The following PRKCA variants were observed in gnomAD, a reference collection of about 807,000 sequenced individuals.
The protein encoded by PRKCA is protein kinase C alpha type.
Under a neutral mutation model 87.0 loss-of-function variants are expected in PRKCA, and 27 were observed. That is an observed-to-expected ratio of 0.31 (90% CI 0.23 to 0.43). The LOEUF (loss-of-function observed/expected upper bound fraction) is 0.43. PRKCA is among the 20% of genes least tolerant of loss of function. The pLI, the probability that PRKCA is intolerant of heterozygous loss-of-function variation, is 1.00. For missense variants in PRKCA, 518 were observed against 852.3 expected (o/e 0.61, Z 4.88); for synonymous variants, 329 against 311.1 (o/e 1.06, Z -0.61).
At chr17:66,434,046 G>A (rs1263856188) in intron 2 of PRKCA, among the ~76,000 whole-genome samples, 1 of 152,058 alleles carries the variant, frequency 6.6e-6, no homozygotes, top group African/African-American at 2.4e-5. Context: ...GAGCCAGGAT[G>A]GACCCTGACT....
chr17:66,595,245 G>A (rs932404388), intron 3 of PRKCA, among the ~76,000 whole-genome samples: 1 of 151,948 alleles, frequency 6.6e-6, no homozygotes, highest in African/African-American at 2.4e-5. Flanking sequence ...TTAGCTCGCT[G>A]TATCCTCAAA....
chr17:66,698,810 C>G (rs1173894852), intron 8 of PRKCA, among the ~76,000 whole-genome samples: 2 of 110,596 alleles, frequency 1.8e-5, no homozygotes, highest in Non-Finnish European at 3.8e-5. Flanking sequence ...CCTGTGTCTA[C>G]TAAAAATACA....
At chr17:66,305,220 A>G (rs996756926) in intron 1 of PRKCA, among the ~76,000 whole-genome samples, 4 of 152,214 alleles carry the variant, frequency 2.6e-5, no homozygotes, top group Non-Finnish European at 5.9e-5. Flanking sequence ...GTTTATTTCA[A>G]TATTAAATCA....
intron 5 of PRKCA, among the ~76,000 whole-genome samples, chr17:66,646,327 GT>G (rs1459166076): frequency 6.6e-6 from 1 of 152,140 alleles, no homozygotes; most frequent in African/African-American, 2.4e-5. Context: ...GGCACACTCA[GT>G]CAAGTTATCC....
At chr17:66,519,085 G>A (rs1321732739) in intron 3 of PRKCA, among the ~76,000 whole-genome samples, 1 of 152,182 alleles carries the variant, frequency 6.6e-6, no homozygotes, top group African/African-American at 2.4e-5. Context: ...AAAAGTGGAG[G>A]CAATGGGCTC....
chr17:66,781,868 GATATATATAT>G (rs1201713784), intron 14 of PRKCA, among the ~76,000 whole-genome samples: 7 of 99,356 alleles, frequency 7.0e-5, no homozygotes, highest in African/African-American at 2.7e-4. Flanking sequence ...GAGAGAGAGA[GATATATATAT>G]ATATATATAG....
In PRKCA at chr17:66,726,323, G is replaced by C. The variant is rs148771273; in HGVS notation, c.919-6365G>C. ...GCTCAGGGGATACGGGTGGGGCCCTGTCTGCTGCAGGTTGGAAATTCCAGA... is the reference window on the plus strand; with the variant it reads ...GCTCAGGGGATACGGGTGGGGCCCTCTCTGCTGCAGGTTGGAAATTCCAGA... On this transcript the variant is annotated intron_variant, in intron 8 of 16. Coordinates refer to ENST00000413366, the MANE Select transcript of PRKCA (RefSeq NM_002737.3). 8.6e-3 allele frequency among the ~76,000 whole-genome samples: 1,311 copies of C among 152,340 alleles called. 22 individuals are homozygous for C. Among genetic ancestry groups the C allele is most frequent in the African/African-American group, 0.028 (1,150 of 41,568 alleles).
intron 3 of PRKCA, among the ~76,000 whole-genome samples, chr17:66,497,268 C>T (rs1250002380): frequency 6.6e-6 from 1 of 152,022 alleles, no homozygotes; most frequent in Non-Finnish European, 1.5e-5. Context: ...AAGGCTGAGG[C>T]GGGCGGATCA....
At chr17:66,669,086 A>G (rs1011456617) in intron 5 of PRKCA, among the ~76,000 whole-genome samples, 1 of 146,224 alleles carries the variant, frequency 6.8e-6, no homozygotes. Flanking sequence ...TGAGTGACAT[A>G]GTGAGACCCT....
intron 8 of PRKCA, among the ~76,000 whole-genome samples, chr17:66,716,187 C>T (rs551708931): frequency 1.1e-4 from 17 of 151,880 alleles, no homozygotes; most frequent in Middle Eastern, 3.4e-3. Context: ...TTACCCACTT[C>T]GAAGCCATGT....
At chr17:66,627,786 G>A (rs1418106872) in intron 3 of PRKCA, among the ~76,000 whole-genome samples, 1 of 152,062 alleles carries the variant, frequency 6.6e-6, no homozygotes, top group Admixed American at 6.5e-5. Context: ...CTTAACTAAC[G>A]CATGGTTGGA....
chr17:66,764,204 C>A (rs1974748282), intron 13 of PRKCA, among the ~76,000 whole-genome samples: 1 of 152,204 alleles, frequency 6.6e-6, no homozygotes, highest in Non-Finnish European at 1.5e-5. Flanking sequence ...GAGCCTGGCT[C>A]TCGGCACATG....
intron 3 of PRKCA, among the ~76,000 whole-genome samples, chr17:66,522,870 C>CATAG (rs1187137950): frequency 9.4e-4 from 143 of 151,612 alleles, no homozygotes; most frequent in Non-Finnish European, 1.2e-4. Context: ...ATAATGAAAC[C>CATAG]TACTATGAAT....
chr17:66,790,133 C>G (rs969054811), intron 16 of PRKCA, among the ~76,000 whole-genome samples: 12 of 152,236 alleles, frequency 7.9e-5, no homozygotes, highest in Non-Finnish European at 4.4e-5. Context: ...AGGGGACCCA[C>G]CTGGGGTGGC....
rs1306972715 is a variant in PRKCA, at chr17:66,495,117, A to AC, written c.206-1083dup. 6.7e-5 allele frequency among the ~76,000 whole-genome samples: 10 copies of AC among 149,270 alleles called. 1 individual carries two copies. In the East Asian group the frequency reaches 2.0e-3, roughly 29 times the overall value. On this transcript the variant is annotated intron_variant, in intron 2 of 16. Coordinates refer to ENST00000413366, the MANE Select transcript of PRKCA (RefSeq NM_002737.3). ...ACCCGGTCTCAAAAAAAAAAAAAAA[A>AC]CTCTTAGGGGATTACTTTCTATAAC...
chr17:66,330,305 C>T (rs1252659208), intron 2 of PRKCA, among the ~76,000 whole-genome samples: 1 of 151,944 alleles, frequency 6.6e-6, no homozygotes, highest in African/African-American at 2.4e-5. Context: ...TGGGGTTTCG[C>T]CATCTCGGCT....
At chr17:66,635,086 G>A (rs1046147882) in intron 3 of PRKCA, among the ~76,000 whole-genome samples, 4 of 152,178 alleles carry the variant, frequency 2.6e-5, no homozygotes, top group Admixed American at 1.3e-4. Context: ...CTTTTCAGGT[G>A]TTTCAGCAGG....
chr17:66,414,561 T>C (rs1912023253), intron 2 of PRKCA, among the ~76,000 whole-genome samples: 1 of 152,330 alleles, frequency 6.6e-6, no homozygotes, highest in Non-Finnish European at 1.5e-5. Context: ...CAAATACATA[T>C]TTCTTATTAC....
At chr17:66,500,740 G>A (rs1916689059) in intron 3 of PRKCA, among the ~76,000 whole-genome samples, 2 of 152,132 alleles carry the variant, frequency 1.3e-5, no homozygotes, top group Admixed American at 1.3e-4. Context: ...TGAAAATTCT[G>A]GTCAGGTGTT....
Sources: gnomAD v4.1 joint callset for allele counts (sites outside exome capture counted in the v4.1 genomes callset) on GRCh38, gnomAD v4.1.1 for gene constraint, MANE v1.5 for transcripts, NCBI Gene and HGNC (gene_info 2026-07-23, HGNC 2026-07-21) for gene names.